RIMS2: variants seen among roughly 807,000 people sequenced by gnomAD.
RIMS2 encodes regulating synaptic membrane exocytosis protein 2.
RIMS2 carries 59 observed loss-of-function variants against 174.4 expected under a neutral mutation model. The ratio of observed to expected loss-of-function variants is 0.34; its 90% CI spans 0.27 to 0.42. The LOEUF is 0.42. Among genes scored for constraint, RIMS2 ranks in the 10% least tolerant of loss-of-function variants. The probability of loss-of-function intolerance (pLI) is 1.00; values close to 1 mark genes in which losing one functional copy is unlikely to be tolerated. For synonymous variants in RIMS2, 606 were observed against 572.5 expected (o/e 1.06, Z -0.84); for missense variants, 1,620 against 1,666.3 (o/e 0.97, Z 0.48).
intron 3 of RIMS2, among the ~76,000 whole-genome samples, chr8:103,797,238 T>G (rs2098556178): frequency 6.6e-6 from 1 of 152,166 alleles, no homozygotes; most frequent in Non-Finnish European, 1.5e-5. Context: ...TGTATGTTTT[T>G]CTAGCAAGAA....
intron 3 of RIMS2, among the ~76,000 whole-genome samples, chr8:103,796,443 C>T (rs886284609): frequency 6.6e-6 from 1 of 152,102 alleles, no homozygotes; most frequent in South Asian, 2.1e-4. Flanking sequence ...GGTAGATTTT[C>T]CAGTGGAACA....
intron 4 of RIMS2, among the ~76,000 whole-genome samples, chr8:103,909,281 TA>T (rs1179371336): frequency 6.6e-6 from 1 of 151,968 alleles, no homozygotes; most frequent in Non-Finnish European, 1.5e-5. Flanking sequence ...TTTTAAAAGA[TA>T]TATGTACATA....
intron 1 of RIMS2, among the ~76,000 whole-genome samples, chr8:103,515,122 G>A (rs1400786750): frequency 6.6e-6 from 1 of 151,946 alleles, no homozygotes; most frequent in Non-Finnish European, 1.5e-5. Flanking sequence ...TAATGAGAAT[G>A]GTATTCTAAT....
At chr8:104,181,250 G>C (rs935453545) in intron 19 of RIMS2, among the ~76,000 whole-genome samples, 4 of 151,588 alleles carry the variant, frequency 2.6e-5, no homozygotes, top group Non-Finnish European at 5.9e-5. Flanking sequence ...ATAGTCCTTA[G>C]AGTATTTTGG....
At chr8:104,175,169 T>A (rs2098873538) in intron 19 of RIMS2, among the ~76,000 whole-genome samples, 1 of 152,226 alleles carries the variant, frequency 6.6e-6, no homozygotes, top group African/African-American at 2.4e-5. Flanking sequence ...AGATGTGTTA[T>A]CTGCTAAAAT....
intron 1 of RIMS2, among the ~76,000 whole-genome samples, chr8:103,544,891 C>T (rs1039241907): frequency 6.6e-6 from 1 of 152,118 alleles, no homozygotes; most frequent in Non-Finnish European, 1.5e-5. Flanking sequence ...AAAAAAAACA[C>T]ATCCAAAGAA....
At chr8:104,101,487 G>A (rs13270793) in intron 19 of RIMS2, among the ~76,000 whole-genome samples, 14,182 of 151,946 alleles carry the variant, frequency 0.093, 825 homozygotes, top group Middle Eastern at 0.14. Flanking sequence ...TTTTACCATT[G>A]TCTATTTTTT....
chr8:104,139,932 T>C (rs900599710), intron 19 of RIMS2, among the ~76,000 whole-genome samples: 1 of 152,194 alleles, frequency 6.6e-6, no homozygotes, highest in Non-Finnish European at 1.5e-5. Context: ...TTTAGGTATG[T>C]TCCTTCTATA....
intron 1 of RIMS2, among the ~76,000 whole-genome samples, chr8:103,572,541 T>C (rs755566727): frequency 6.6e-6 from 1 of 152,064 alleles, no homozygotes; most frequent in Non-Finnish European, 1.5e-5. Context: ...TTCCTTTTTC[T>C]CTGCAGCATT....
intron 17 of RIMS2, among the ~76,000 whole-genome samples, chr8:103,995,849 G>A (rs987152252): frequency 2.6e-5 from 4 of 151,892 alleles, no homozygotes; most frequent in South Asian, 2.1e-4. Context: ...CTGATTTAAG[G>A]TGGTGGCAGG....
At chr8:103,967,825 G>A (rs1229736784) in intron 15 of RIMS2, among the ~76,000 whole-genome samples, 1 of 137,314 alleles carries the variant, frequency 7.3e-6, no homozygotes, top group Non-Finnish European at 1.6e-5. Flanking sequence ...TGTCAGCTTT[G>A]TCTAAAATTA....
At chr8:104,198,135 C>T (rs2099035200) in intron 19 of RIMS2, among the ~76,000 whole-genome samples, 1 of 152,024 alleles carries the variant, frequency 6.6e-6, no homozygotes, top group South Asian at 2.1e-4. Context: ...AAAGATGGTA[C>T]AAAGGATGCG....
At chr8:103,849,404 T>G (rs1014629346) in intron 3 of RIMS2, among the ~76,000 whole-genome samples, 8 of 152,052 alleles carry the variant, frequency 5.3e-5, no homozygotes, top group Non-Finnish European at 1.2e-4. Context: ...AAGGAGGTGA[T>G]GGAAGCAAGA....
chr8:103,596,421 C>G (rs11785029), intron 1 of RIMS2, among the ~76,000 whole-genome samples: 27,676 of 151,752 alleles, frequency 0.18, 2,769 homozygotes, highest in African/African-American at 0.26. Context: ...GGTGGTGCAC[C>G]TTTGCTTAAT....
At chr8:104,173,393 G>A (rs4236772) in intron 19 of RIMS2, among the ~76,000 whole-genome samples, 65,597 of 151,742 alleles carry the variant, frequency 0.43, 14,650 homozygotes, top group East Asian at 0.63. Flanking sequence ...GATCTGTGCA[G>A]TTTGGGAAGT....
chr8:103,915,113 A>G (rs2076412928), intron 6 of RIMS2, among the ~76,000 whole-genome samples: 1 of 152,102 alleles, frequency 6.6e-6, no homozygotes, highest in Admixed American at 6.5e-5. Context: ...AAAAGAAACA[A>G]AAATTTTGTA....
chr8:104,029,998 T>C (rs2096353839), intron 19 of RIMS2, among the ~76,000 whole-genome samples: 1 of 152,190 alleles, frequency 6.6e-6, no homozygotes, highest in African/African-American at 2.4e-5. Context: ...CAGGGAGCAG[T>C]AGTGTATCCA....
chr8:103,519,707 C>T (rs1372509718), intron 1 of RIMS2, among the ~76,000 whole-genome samples: 4 of 147,676 alleles, frequency 2.7e-5, no homozygotes, highest in African/African-American at 7.5e-5. Flanking sequence ...TCAGATCTCT[C>T]AGTACATGTT....
intron 19 of RIMS2, among the ~76,000 whole-genome samples, chr8:104,163,881 G>C (rs1481911267): frequency 6.6e-6 from 1 of 152,062 alleles, no homozygotes; most frequent in Non-Finnish European, 1.5e-5. Context: ...GAAATGTTCT[G>C]ATGAGGAAAC....
Sources: allele counts gnomAD v4.1 joint callset (sites outside exome capture counted in the v4.1 genomes callset), GRCh38; gene constraint gnomAD v4.1.1; transcripts MANE v1.5; gene names NCBI Gene and HGNC (gene_info 2026-07-23, HGNC 2026-07-21).